The following KDM4C variants were observed in gnomAD, a reference collection of about 807,000 sequenced individuals.
The protein encoded by KDM4C is lysine demethylase 4C, also known as lysine-specific demethylase 4C.
A neutral mutation model predicts 129.3 loss-of-function variants in KDM4C; 81 were observed. The observed-to-expected ratio is 0.63, with a 90% CI of 0.52 to 0.75. The LOEUF is 0.75. Ranked by LOEUF, KDM4C falls within the 30% of genes least tolerant of loss-of-function variation. The pLI is 0.00. For synonymous variants in KDM4C, 573 were observed against 456.1 expected (o/e 1.26, Z -3.26); for missense variants, 1,457 against 1,304.0 (o/e 1.12, Z -1.81).
intron 18 of KDM4C, chr9:7,105,388 C>T (rs1837564381): frequency 6.4e-6 from 3 of 466,176 alleles, no homozygotes; most frequent in South Asian, 4.7e-5. Context: ...CCCACCTCAC[C>T]ATGTTGTTTT....
chr9:6,877,883 C>T (rs539466215), intron 5 of KDM4C, among the ~76,000 whole-genome samples: 4 of 152,292 alleles, frequency 2.6e-5, no homozygotes, highest in East Asian at 1.9e-4. Flanking sequence ...GTCAGACCCT[C>T]GGGCAGGGTT....
At chr9:6,832,927 GGT>G (rs1835170562) in intron 4 of KDM4C, among the ~76,000 whole-genome samples, 1 of 150,540 alleles carries the variant, frequency 6.6e-6, no homozygotes, top group Non-Finnish European at 1.5e-5. Flanking sequence ...GTAGAGATGG[GGT>G]TTCACCATGT....
rs539817885 is a variant in KDM4C, at chr9:6,858,831, T to C, written c.629+9131T>C. Among the ~76,000 whole-genome samples, 3 of 152,126 alleles carry C rather than the reference T, an allele frequency of 2.0e-5. No homozygotes were observed. The East Asian group carries it at 5.8e-4, about 29-fold the overall frequency. On this transcript the variant is annotated intron_variant, in intron 5 of 21. Coordinates refer to ENST00000381309, the MANE Select transcript of KDM4C (RefSeq NM_015061.6). ...GTTAACAAGTTATTTTACCCAGCTT[T>C]ATCATTTTTTTGGTATCTCTTTTTT...
At chr9:6,751,769 T>G (rs1680743681) in intron 1 of KDM4C, among the ~76,000 whole-genome samples, 1 of 152,162 alleles carries the variant, frequency 6.6e-6, no homozygotes, top group African/African-American at 2.4e-5. Flanking sequence ...ATTATAAAGC[T>G]GCAGGCTGAA....
intron 8 of KDM4C, among the ~76,000 whole-genome samples, chr9:6,966,829 G>C (rs1393252767): frequency 6.6e-6 from 1 of 152,094 alleles, no homozygotes; most frequent in African/African-American, 2.4e-5. Context: ...AATTAATATA[G>C]GAAGCTATTA....
At chr9:6,974,801 T>G (rs182880351) in intron 8 of KDM4C, 3 of 152,346 alleles carry the variant, frequency 2.0e-5, no homozygotes, top group Admixed American at 6.5e-5. Flanking sequence ...ATGGAGTGCA[T>G]GAATTCAGAA....
chr9:7,054,601 G>C (rs1320994890), intron 17 of KDM4C, among the ~76,000 whole-genome samples: 3 of 152,170 alleles, frequency 2.0e-5, no homozygotes, highest in Non-Finnish European at 2.9e-5. Flanking sequence ...AAAAATCTTA[G>C]ATTTGATTAT....
chr9:7,154,200 A>G (rs1384941976), intron 19 of KDM4C, among the ~76,000 whole-genome samples: 1 of 152,192 alleles, frequency 6.6e-6, no homozygotes, highest in African/African-American at 2.4e-5. Flanking sequence ...GATAGCCACT[A>G]TGATACTTAC....
chr9:7,076,393 C>A lies in KDM4C; in HGVS notation c.2424+27193C>A, dbSNP rs1401360953. The A allele has an allele frequency of 2.2e-6, 3 of 1,352,814 alleles. No individual in the cohort carries two copies. In the South Asian group the frequency reaches 3.7e-5, roughly 17 times the overall value. The allele number at this position is 1,352,814 out of a possible 1,614,324, so 83.8% of individuals were successfully genotyped here. ...TATTTTCACTATAATTTATTAAAAT[C>A]TGGCATATTGGACTTTTAAAATTTG... On this transcript the variant is annotated intron_variant, in intron 17 of 21. Coordinates refer to ENST00000381309, the MANE Select transcript of KDM4C (RefSeq NM_015061.6).
chr9:7,082,327 A>C (rs748516209), intron 17 of KDM4C, among the ~76,000 whole-genome samples: 1 of 152,206 alleles, frequency 6.6e-6, no homozygotes, highest in Non-Finnish European at 1.5e-5. Flanking sequence ...TCGTTTCAGA[A>C]TCTTTAGCAA....
intron 4 of KDM4C, chr9:6,818,822 C>G (rs186072050): frequency 6.6e-6 from 1 of 152,146 alleles, no homozygotes; most frequent in Non-Finnish European, 1.5e-5. Context: ...TCTTATCCCC[C>G]ACACCAGTAT....
intron 8 of KDM4C, among the ~76,000 whole-genome samples, chr9:6,956,708 C>A (rs1003170341): frequency 1.3e-5 from 2 of 152,180 alleles, no homozygotes; most frequent in African/African-American, 4.8e-5. Flanking sequence ...TATCACCAAT[C>A]CCTTCTTTAT....
intron 4 of KDM4C, among the ~76,000 whole-genome samples, chr9:6,833,852 A>G (rs553465352): frequency 6.6e-6 from 1 of 152,266 alleles, no homozygotes; most frequent in African/African-American, 2.4e-5. Flanking sequence ...AGTTTGTCCA[A>G]TCCGCAGCCC....
intron 19 of KDM4C, among the ~76,000 whole-genome samples, chr9:7,144,522 A>G (rs1353739056): frequency 6.6e-6 from 1 of 152,222 alleles, no homozygotes. Context: ...AACTGGGGAC[A>G]TTGGCCTAGG....
chr9:7,120,577 C>T (rs1204227023), intron 18 of KDM4C, among the ~76,000 whole-genome samples: 2 of 152,088 alleles, frequency 1.3e-5, no homozygotes, highest in African/African-American at 4.8e-5. Flanking sequence ...AGCCCCAAAC[C>T]TGAGAATGAA....
intron 8 of KDM4C, chr9:6,893,696 A>G (rs1846428156): frequency 6.6e-6 from 1 of 152,436 alleles, no homozygotes; most frequent in African/African-American, 2.4e-5. Flanking sequence ...CCCTTAGTGC[A>G]GAAATGAAAT....
chr9:7,013,318 C>A (rs961951346), intron 13 of KDM4C, among the ~76,000 whole-genome samples: 2 of 152,152 alleles, frequency 1.3e-5, no homozygotes, highest in Non-Finnish European at 2.9e-5. Context: ...TGTGCCAGTT[C>A]TCTCTCACTT....
At chr9:6,948,688 T>G (rs1223469098) in intron 8 of KDM4C, among the ~76,000 whole-genome samples, 1 of 151,780 alleles carries the variant, frequency 6.6e-6, no homozygotes, top group African/African-American at 2.4e-5. Context: ...TGATGACTCT[T>G]AACGAGCATG....
At position 6,758,575 on chromosome 9, in the gene KDM4C, G is replaced by C. The variant is rs1257971266; in HGVS notation, c.-18+372G>C. Among the ~76,000 whole-genome samples, 1 of 152,200 alleles carries C rather than the reference G, an allele frequency of 6.6e-6. No homozygotes were observed. Among genetic ancestry groups the C allele is most frequent in the Non-Finnish European group, 1.5e-5 (1 of 68,040 alleles). ...AGTCGGCTGTGGCGGACTCCAGGAA[G>C]GCCGGGCCTGGTGCACCCCTCGGGG... On this transcript the variant is annotated intron_variant, in intron 1 of 21. Coordinates refer to ENST00000381309, the MANE Select transcript of KDM4C (RefSeq NM_015061.6). This position sits in a 1 kb window ranked among gnomAD's most constrained non-coding sequence, Gnocchi z 4.6.
Sources: gnomAD v4.1 joint callset for allele counts (sites outside exome capture counted in the v4.1 genomes callset) on GRCh38, gnomAD v4.1.1 for gene constraint, Gnocchi (gnomAD v3.1) non-coding constraint, MANE v1.5 for transcripts, NCBI Gene and HGNC (gene_info 2026-07-23, HGNC 2026-07-21) for gene names.